The following ITGA2 variants were observed in gnomAD, a reference collection of about 807,000 sequenced individuals.
ITGA2 encodes the protein integrin alpha-2.
ITGA2 carries 101 observed loss-of-function variants against 146.3 expected under a neutral mutation model. The observed-to-expected ratio is 0.69, with a 90% confidence interval of 0.59 to 0.81. ITGA2 has a LOEUF of 0.81. ITGA2 is among the 40% of genes least tolerant of loss of function. The pLI, the probability that ITGA2 is intolerant of heterozygous loss-of-function variation, is 0.00. For missense variants in ITGA2, 1,281 were observed against 1,402.7 expected (o/e 0.91, Z 1.39); for synonymous variants, 477 against 487.1 (o/e 0.98, Z 0.27).
intron 4 of ITGA2, among the ~76,000 whole-genome samples, chr5:53,045,903 TAGAG>T (rs58838830): frequency 0.27 from 41,517 of 151,712 alleles, 5,697 homozygotes; most frequent in Admixed American, 0.32. Flanking sequence ...AAAATTGTCT[TAGAG>T]AGGTTGGGCG....
chr5:53,045,121 CCT>C, intron 4 of ITGA2, 29 bp downstream of exon 4: 1 of 1,521,774 alleles, frequency 6.6e-7, no homozygotes, highest in Non-Finnish European at 9.1e-7. Context: ...AATCATTATT[CCT>C]CTCAAGAAAG....
intron 6 of ITGA2, among the ~76,000 whole-genome samples, chr5:53,051,049 A>G (rs1053349210): frequency 6.6e-6 from 1 of 152,172 alleles, no homozygotes; most frequent in Non-Finnish European, 1.5e-5. Flanking sequence ...TCCATTGGTA[A>G]TTAGAAAGTT....
intron 2 of ITGA2, among the ~76,000 whole-genome samples, chr5:53,038,455 T>G (rs1184928491): frequency 6.6e-6 from 1 of 152,146 alleles, no homozygotes; most frequent in Non-Finnish European, 1.5e-5. Flanking sequence ...GGCCCCACAG[T>G]ATGGATGTAC....
At chr5:53,083,908 T>G (rs1746036376) in intron 27 of ITGA2, among the ~76,000 whole-genome samples, 1 of 152,222 alleles carries the variant, frequency 6.6e-6, no homozygotes, top group Non-Finnish European at 1.5e-5. Flanking sequence ...TAGATGAATC[T>G]AGCATAAAGA....
chr5:53,021,509 C>T (rs1742680547), intron 1 of ITGA2, among the ~76,000 whole-genome samples: 1 of 152,176 alleles, frequency 6.6e-6, no homozygotes, highest in African/African-American at 2.4e-5. Context: ...GCATGGTTCT[C>T]CTGGAAACCT....
intron 2 of ITGA2, among the ~76,000 whole-genome samples, chr5:53,034,657 T>A (rs922696192): frequency 2.6e-5 from 4 of 152,180 alleles, no homozygotes; most frequent in Admixed American, 2.6e-4. Context: ...TCTGTGGTAA[T>A]GTGTGAATAT....
chr5:53,083,639 G>A (rs940878170), intron 27 of ITGA2, among the ~76,000 whole-genome samples, 186 bp downstream of exon 27: 1 of 152,176 alleles, frequency 6.6e-6, no homozygotes, highest in African/African-American at 2.4e-5. Context: ...CAATTTAGCA[G>A]TGCCTCAGAG....
intron 3 of ITGA2, among the ~76,000 whole-genome samples, chr5:53,044,772 G>A (rs932328124): frequency 1.1e-4 from 16 of 152,074 alleles, no homozygotes; most frequent in African/African-American, 3.6e-4. Flanking sequence ...ACCCTCTCCA[G>A]AGCCCACTCC....
At position 52,989,548 on chromosome 5, in the gene ITGA2, G is replaced by T. The variant is rs772641521; in HGVS notation, c.64+16G>T. On this transcript the variant is annotated intron_variant, in intron 1 of 29. Transcript: ENST00000296585. Reference sequence around the variant, plus strand: ...CTCAGTCAAGGTAAGCGGGGATTTCGCTCTGCATCGGCTGCAGGAGGGACC... The same window carrying T: ...CTCAGTCAAGGTAAGCGGGGATTTCTCTCTGCATCGGCTGCAGGAGGGACC... The T allele has an allele frequency of 6.2e-7, 1 of 1,613,724 alleles. No individual in the cohort carries two copies. Among genetic ancestry groups the T allele is most frequent in the South Asian group, 1.1e-5 (1 of 91,070 alleles).
Position 53,074,393 on chromosome 5 carries a change from G to A in ITGA2, c.2580G>A (p.Gly860=). ...FFASFSLPVD[G]TEVTCQVAAS... is the part of the protein sequence containing the mutation. ...TCCTTGGTCTTGTTCAGGTTGATGG[G>A]ACAGAAGTAACATGCCAGGTGGCTG... The change falls in exon 21 of 30, where the codon GGG becomes GGA. Residue 860 remains glycine, a synonymous_variant. Transcript: ENST00000296585. The A allele has an allele frequency of 2.5e-6, 4 of 1,612,204 alleles. No individual in the cohort carries two copies. The highest frequency in any genetic ancestry group is 3.4e-6 in the Non-Finnish European group (4 of 1,178,812).
intron 9 of ITGA2, among the ~76,000 whole-genome samples, chr5:53,057,406 A>G (rs1174018118): frequency 6.6e-6 from 1 of 152,012 alleles, no homozygotes; most frequent in East Asian, 1.9e-4. Flanking sequence ...ATCACACTGT[A>G]TGGAAAATAA....
intron 24 of ITGA2, among the ~76,000 whole-genome samples, chr5:53,079,607 CTTGT>C (rs1202580652): frequency 6.6e-6 from 1 of 152,028 alleles, no homozygotes; most frequent in Non-Finnish European, 1.5e-5. Flanking sequence ...TCATTTCTCA[CTTGT>C]TTGTTACATG....
Position 53,051,057 on chromosome 5 carries a change from G to A in ITGA2, c.631-354G>A, listed in dbSNP as rs3212506. On this transcript the variant is annotated intron_variant, in intron 6 of 29. Coordinates refer to ENST00000296585, the MANE Select transcript of ITGA2 (RefSeq NM_002203.4). The stretch of plus-strand genomic sequence containing the variant: ...GCTTCTGTCCATTGGTAATTAGAAA[G>A]TTTATTTATATCAAGTTTAATCTTC... Among the ~76,000 whole-genome samples the A allele has an allele frequency of 6.0e-3, 914 of 152,276 alleles. 8 individuals carry two copies. The highest frequency in any genetic ancestry group is 0.021 in the African/African-American group (875 of 41,556).
chr5:53,016,696 T>C (rs1215584307), intron 1 of ITGA2, among the ~76,000 whole-genome samples: 2 of 152,222 alleles, frequency 1.3e-5, no homozygotes, highest in African/African-American at 2.4e-5. Flanking sequence ...AGTTGCTTTC[T>C]TTCTTTCCCT....
intron 2 of ITGA2, among the ~76,000 whole-genome samples, chr5:53,036,095 C>T (rs1217431500): frequency 6.6e-6 from 1 of 151,314 alleles, no homozygotes; most frequent in Non-Finnish European, 1.5e-5. Flanking sequence ...ACCAACTCCT[C>T]AAGAAGTCCT....
At chr5:53,057,744 GT>G (rs1207570302) in intron 9 of ITGA2, among the ~76,000 whole-genome samples, 1 of 151,838 alleles carries the variant, frequency 6.6e-6, no homozygotes, top group Non-Finnish European at 1.5e-5. Flanking sequence ...TATCAAGAAC[GT>G]CATACATATT....
In ITGA2 at chr5:53,042,166, G is replaced by A. The variant is rs1459197424; in HGVS notation, c.240G>A (p.Val80=). Residue 80 remains valine, a synonymous_variant, in exon 3 of 30, where the codon GTG becomes GTA. Transcript: ENST00000296585. ...TTCCTGAGAACCGAATGGGAGATGT[G>A]TATAAATGTCCTGTTGACCTATCCA... is the stretch of plus-strand genomic sequence containing the variant. The part of the protein sequence containing the change: ...SGFPENRMGD[V]YKCPVDLSTA... The A allele has an allele frequency of 6.2e-7, 1 of 1,613,466 alleles. No individual in the cohort carries two copies. The highest frequency in any genetic ancestry group is 8.5e-7 in the Non-Finnish European group (1 of 1,179,458).
At chr5:53,000,308 T>C (rs1210900591) in intron 1 of ITGA2, among the ~76,000 whole-genome samples, 1 of 152,202 alleles carries the variant, frequency 6.6e-6, no homozygotes, top group African/African-American at 2.4e-5. Flanking sequence ...TATTGGTTAT[T>C]ACATAAATTT....
rs765702538 is a variant in ITGA2, at chr5:53,094,639, CAGTT to C, written c.*4044_*4047del. On this transcript the variant is annotated 3_prime_UTR_variant, in exon 30 of 30. Transcript: ENST00000296585. ...GAAACAAAAATTAAATTGTAGTCAA[CAGTT>C]AGTAGTTTTTCTCATATCCAAGTAT... is the stretch of plus-strand genomic sequence containing the variant. The C allele has an allele frequency of 6.7e-6, 1 of 149,240 alleles. No homozygotes were observed. Among genetic ancestry groups the C allele is most frequent in the South Asian group, 2.1e-4 (1 of 4,774 alleles). 9.2% of individuals were successfully genotyped at this position (149,240 alleles called of 1,614,324 possible). A position where few individuals can be genotyped will look rare whatever the true frequency, so the allele number is the denominator to read the frequency against.
Sources: gnomAD v4.1 joint callset for allele counts (sites outside exome capture counted in the v4.1 genomes callset) on GRCh38, gnomAD v4.1.1 for gene constraint, MANE v1.5 for transcripts, NCBI Gene and HGNC (gene_info 2026-07-23, HGNC 2026-07-21) for gene names.